Variants in KLF8 observed in about 807,000 individuals in gnomAD.
KLF8 encodes Krueppel-like factor 8.
KLF8 carries 10 observed loss-of-function variants against 18.2 expected under a neutral mutation model. That is an observed-to-expected ratio of 0.55 (90% CI 0.34 to 0.93). The LOEUF (loss-of-function observed/expected upper bound fraction) is 0.93, where lower values mean the gene tolerates loss of function less well. Among genes scored for constraint, KLF8 ranks in the 40% least tolerant of loss-of-function variants. The pLI is 0.02. For synonymous variants in KLF8, 109 were observed against 97.3 expected (o/e 1.12, Z -0.71); for missense variants, 264 against 277.9 (o/e 0.95, Z 0.36).
the KLF8 span, among the ~76,000 whole-genome samples, chrX:56,173,719 T>C: frequency 8.9e-6 from 1 of 112,064 alleles, no homozygotes; most frequent in South Asian, 3.7e-4. Context: ...TATTGATTCT[T>C]CCTACCCATG....
the KLF8 span, among the ~76,000 whole-genome samples, chrX:56,005,454 T>G: frequency 1.8e-5 from 2 of 111,531 alleles, no homozygotes; most frequent in African/African-American, 6.5e-5. Flanking sequence ...ACAGTGTTGG[T>G]GAGGGCATAG....
chrX:56,130,421 C>G, the KLF8 span, among the ~76,000 whole-genome samples: 1 of 111,699 alleles, frequency 9.0e-6, no homozygotes, highest in Non-Finnish European at 1.9e-5. Flanking sequence ...TACAGTTTGG[C>G]TCTCAGGAAG....
At chrX:55,946,285 G>T in the KLF8 span, among the ~76,000 whole-genome samples, 111 of 111,636 alleles carry the variant, frequency 9.9e-4, no homozygotes, top group African/African-American at 2.6e-3. Flanking sequence ...TACCAAAACA[G>T]AGATGTAGAT....
chrX:55,982,722 CA>C, the KLF8 span, among the ~76,000 whole-genome samples: 1 of 111,782 alleles, frequency 8.9e-6, no homozygotes, highest in Non-Finnish European at 1.9e-5. Flanking sequence ...ATCACCCCCA[CA>C]GAGTTAAGTG....
At chrX:55,912,651 C>A in the KLF8 span, among the ~76,000 whole-genome samples, 2 of 110,897 alleles carry the variant, frequency 1.8e-5, no homozygotes, top group African/African-American at 3.3e-5. Context: ...GTAAGAGATC[C>A]ATCGTCTCCT....
the KLF8 span, among the ~76,000 whole-genome samples, chrX:55,971,898 G>T: frequency 9.0e-6 from 1 of 110,900 alleles, no homozygotes; most frequent in Non-Finnish European, 1.9e-5. Context: ...TTATTTAAAA[G>T]ACAGGAAATA....
the KLF8 span, among the ~76,000 whole-genome samples, chrX:56,107,487 G>T: frequency 1.8e-5 from 2 of 111,780 alleles, no homozygotes; most frequent in African/African-American, 6.5e-5. Flanking sequence ...TGCTGTGCTA[G>T]CCGTCATCAA....
the KLF8 span, among the ~76,000 whole-genome samples, chrX:56,193,465 T>G: frequency 8.9e-6 from 1 of 111,934 alleles, no homozygotes; most frequent in African/African-American, 3.2e-5. Context: ...ATGCTACTGC[T>G]GGATATATAA....
the KLF8 span, among the ~76,000 whole-genome samples, chrX:56,065,271 TA>T: frequency 1.1e-4 from 12 of 111,821 alleles, no homozygotes; most frequent in Non-Finnish European, 2.1e-4. Flanking sequence ...TGACTTTCCT[TA>T]TTCTTTTTAA....
the KLF8 span, among the ~76,000 whole-genome samples, chrX:56,137,784 A>G: frequency 9.1e-6 from 1 of 109,471 alleles, no homozygotes; most frequent in Non-Finnish European, 1.9e-5. Flanking sequence ...AGAAACAAAA[A>G]AAAAAGAAAA....
At chrX:56,181,734 C>T in the KLF8 span, among the ~76,000 whole-genome samples, 1 of 110,213 alleles carries the variant, frequency 9.1e-6, no homozygotes, top group Admixed American at 9.7e-5. Flanking sequence ...ATTAGTTTGG[C>T]TGGATATGAA....
At chrX:56,126,068 G>A in the KLF8 span, among the ~76,000 whole-genome samples, 1 of 111,485 alleles carries the variant, frequency 9.0e-6, no homozygotes. Flanking sequence ...TTGTAGGAAA[G>A]ACATGAGAAC....
the KLF8 span, among the ~76,000 whole-genome samples, chrX:56,121,043 G>A: frequency 7.6e-4 from 83 of 109,667 alleles, no homozygotes; most frequent in African/African-American, 2.4e-3. Context: ...AAAATTAGCC[G>A]GACGTGGTGG....
chrX:55,917,499 A>C, the KLF8 span, among the ~76,000 whole-genome samples: 1 of 111,930 alleles, frequency 8.9e-6, no homozygotes, highest in Non-Finnish European at 1.9e-5. Flanking sequence ...AGGCCTACAT[A>C]CTAAAATGGT....
the KLF8 span, among the ~76,000 whole-genome samples, chrX:55,923,212 G>T: frequency 1.9e-5 from 2 of 105,831 alleles, no homozygotes; most frequent in African/African-American, 6.9e-5. Flanking sequence ...TATCCTCAGC[G>T]AGTTAACACA....
the KLF8 span, among the ~76,000 whole-genome samples, chrX:56,140,508 AG>A: frequency 9.0e-6 from 1 of 111,600 alleles, no homozygotes; most frequent in Non-Finnish European, 1.9e-5. Flanking sequence ...ATGCAGGAAC[AG>A]AATACCAAAT....
At chrX:56,256,094 A>G (rs1188448294) in intron 2 of KLF8, among the ~76,000 whole-genome samples, 1 of 111,161 alleles carries the variant, frequency 9.0e-6, no homozygotes, top group Admixed American at 9.6e-5. Flanking sequence ...TTTGGATTTC[A>G]TGGTTCAATC....
At chrX:55,910,970 C>T in the KLF8 span, among the ~76,000 whole-genome samples, 3 of 111,689 alleles carry the variant, frequency 2.7e-5, no homozygotes, top group African/African-American at 9.8e-5. Context: ...AGTTGAAAAT[C>T]CATATATAAC....
the KLF8 span, among the ~76,000 whole-genome samples, chrX:56,113,060 A>C: frequency 9.1e-5 from 10 of 109,913 alleles, no homozygotes; most frequent in Admixed American, 6.8e-4. Context: ...TAAAAATACA[A>C]AAATTAGCTG....
Sources: allele counts gnomAD v4.1 joint callset (sites outside exome capture counted in the v4.1 genomes callset), GRCh38; gene constraint gnomAD v4.1.1; transcripts MANE v1.5; gene names NCBI Gene and HGNC (gene_info 2026-07-23, HGNC 2026-07-21).